Variants in CLVS1 observed in about 807,000 individuals in gnomAD.
The protein encoded by CLVS1 is clavesin-1.
CLVS1 carries 10 observed loss-of-function variants against 33.1 expected under a neutral mutation model. The ratio of observed to expected loss-of-function variants is 0.30; its 90% CI spans 0.19 to 0.51. The LOEUF is 0.51. Among genes scored for constraint, CLVS1 ranks in the 20% least tolerant of loss-of-function variants. The probability of loss-of-function intolerance (pLI) is 0.97; values close to 1 mark genes in which losing one functional copy is unlikely to be tolerated. For synonymous variants in CLVS1, 163 were observed against 166.1 expected (o/e 0.98, Z 0.14); for missense variants, 343 against 433.4 (o/e 0.79, Z 1.85).
At chr8:61,425,360 A>C (rs1248086755) in intron 3 of CLVS1, among the ~76,000 whole-genome samples, 1 of 152,208 alleles carries the variant, frequency 6.6e-6, no homozygotes, top group Non-Finnish European at 1.5e-5. Flanking sequence ...TATACTATGC[A>C]CAAGGATCTG....
intron 2 of CLVS1, among the ~76,000 whole-genome samples, chr8:61,172,553 T>A (rs1807025416): frequency 6.6e-6 from 1 of 152,098 alleles, no homozygotes; most frequent in Non-Finnish European, 1.5e-5. Flanking sequence ...TTTTAAAAAA[T>A]TAATATTACT....
intron 1 of CLVS1, among the ~76,000 whole-genome samples, chr8:61,290,506 G>T (rs1428496431): frequency 1.3e-5 from 2 of 152,164 alleles, no homozygotes; most frequent in Non-Finnish European, 2.9e-5. Flanking sequence ...TAGAATCATG[G>T]AGTAGACAGC....
chr8:61,480,058 C>T (rs1297948986), intron 5 of CLVS1, among the ~76,000 whole-genome samples: 5 of 152,240 alleles, frequency 3.3e-5, no homozygotes, highest in Admixed American at 6.5e-5. Flanking sequence ...GCAGTCTGCC[C>T]GTTCTCAGAT....
At chr8:61,056,387 C>T (rs997909917), upstream of CLVS1, among the ~76,000 whole-genome samples, 5 of 152,176 alleles carry the variant, frequency 3.3e-5, no homozygotes, top group Admixed American at 1.3e-4. Context: ...ATCTTGGTCT[C>T]CAATAATATC....
chr8:61,152,858 G>C (rs1585647268), intron 2 of CLVS1, among the ~76,000 whole-genome samples: 1 of 152,164 alleles, frequency 6.6e-6, no homozygotes, highest in East Asian at 1.9e-4. Context: ...TAGCACTACA[G>C]GTATCTGAAA....
At chr8:61,223,489 A>T (rs1005666942) in intron 2 of CLVS1, among the ~76,000 whole-genome samples, 5 of 152,122 alleles carry the variant, frequency 3.3e-5, no homozygotes, top group African/African-American at 9.7e-5. Flanking sequence ...TTTCTTTAAG[A>T]ATGTCGAATA....
At chr8:61,215,048 G>T (rs1191987155) in intron 2 of CLVS1, among the ~76,000 whole-genome samples, 2 of 152,066 alleles carry the variant, frequency 1.3e-5, no homozygotes, top group Admixed American at 6.6e-5. Context: ...AGCTTTTCAA[G>T]TGCCTTTTAT....
intron 4 of CLVS1, among the ~76,000 whole-genome samples, chr8:61,455,105 A>C (rs1420490974): frequency 6.6e-6 from 1 of 152,046 alleles, no homozygotes; most frequent in African/African-American, 2.4e-5. Context: ...TGATGTTTTT[A>C]TATACCTATG....
In CLVS1 at chr8:61,202,351, A is replaced by G; in HGVS notation, c.-152+70491A>G. 4 of 738,866 alleles carry G rather than the reference A, an allele frequency of 5.4e-6. No individual in the cohort carries two copies. The Admixed American group carries it at 5.5e-5, about 10-fold the overall frequency. The allele number at this position is 738,866 out of a possible 1,614,324, so 45.8% of individuals were successfully genotyped here. On this transcript the variant is annotated intron_variant, in intron 2 of 2. Transcript: ENST00000522621. ...CTACCTAAGTGCGTGCTGCCTCCCG[A>G]TGGAAGATCTGATGGACGTGGACAT...
chr8:61,308,462 G>C (rs1012322917), intron 2 of CLVS1, among the ~76,000 whole-genome samples: 1 of 152,118 alleles, frequency 6.6e-6, no homozygotes, highest in Admixed American at 6.5e-5. Context: ...ATGTGCATGC[G>C]CGCCATGAGT....
chr8:61,018,080 C>G, the CLVS1 span, among the ~76,000 whole-genome samples: 5 of 152,136 alleles, frequency 3.3e-5, no homozygotes, highest in Admixed American at 2.0e-4. Context: ...GTGAGTCAGG[C>G]AGAGTGTGGG....
At chr8:61,218,804 A>G (rs1356779929) in intron 2 of CLVS1, among the ~76,000 whole-genome samples, 2 of 142,192 alleles carry the variant, frequency 1.4e-5, no homozygotes, top group Non-Finnish European at 1.5e-5. Flanking sequence ...AAAAGCTGGG[A>G]GTAGTCAGAG....
At chr8:61,136,842 A>G (rs184847804) in intron 2 of CLVS1, among the ~76,000 whole-genome samples, 7 of 152,336 alleles carry the variant, frequency 4.6e-5, no homozygotes, top group Middle Eastern at 3.4e-3. Context: ...AGTTAAAATA[A>G]ATGTTAAGAA....
chr8:61,409,820 A>G (rs193094065), intron 3 of CLVS1, among the ~76,000 whole-genome samples: 41 of 152,248 alleles, frequency 2.7e-4, no homozygotes, highest in African/African-American at 9.4e-4. Context: ...ATTTTTGACA[A>G]CCTGATAGAT....
intron 1 of CLVS1, among the ~76,000 whole-genome samples, chr8:61,064,377 A>C (rs114429376): frequency 1.4e-3 from 214 of 152,230 alleles, no homozygotes; most frequent in African/African-American, 5.0e-3. Context: ...AACTTTGCCT[A>C]CACATTTTGA....
At chr8:61,462,579 C>A (rs976618863) in intron 5 of CLVS1, among the ~76,000 whole-genome samples, 33 of 152,146 alleles carry the variant, frequency 2.2e-4, no homozygotes, top group African/African-American at 6.8e-4. Context: ...TTGTGCTGGG[C>A]ATGAAAACAA....
chr8:61,159,312 A>G (rs1806710164), intron 2 of CLVS1, among the ~76,000 whole-genome samples: 1 of 152,044 alleles, frequency 6.6e-6, no homozygotes, highest in Admixed American at 6.6e-5. Context: ...ACCTTAACCT[A>G]CCTCATCTGC....
In CLVS1 at chr8:61,144,987, T is replaced by A. The variant is rs950627991; in HGVS notation, c.-152+13127T>A. On this transcript the variant is annotated intron_variant, in intron 2 of 2. Transcript: ENST00000522621. ...CTCAGGTGATCCATTCACCTTGGCC[T>A]CCCAAAGTGCTGGGATTACAGGTGT... Among the ~76,000 whole-genome samples the A allele has an allele frequency of 6.6e-5, 10 of 152,212 alleles. 1 individual carries two copies. The highest frequency in any genetic ancestry group is 5.2e-4 in the Admixed American group (8 of 15,280).
intron 3 of CLVS1, among the ~76,000 whole-genome samples, chr8:61,409,578 C>G (rs1815137186): frequency 2.0e-5 from 3 of 152,190 alleles, no homozygotes; most frequent in African/African-American, 7.2e-5. Context: ...TCTAATTCCA[C>G]CCTTTTGCTA....
Sources: allele counts gnomAD v4.1 joint callset (sites outside exome capture counted in the v4.1 genomes callset), GRCh38; gene constraint gnomAD v4.1.1; transcripts MANE v1.5; gene names NCBI Gene and HGNC (gene_info 2026-07-23, HGNC 2026-07-21).